The following SPACA1 variants were observed in gnomAD, a reference collection of about 807,000 sequenced individuals.
SPACA1 encodes sperm acrosome associated 1.
A neutral mutation model predicts 32.6 loss-of-function variants in SPACA1; 17 were observed. The observed-to-expected ratio is 0.52, with a 90% CI of 0.36 to 0.78. The LOEUF is 0.78. Ranked by LOEUF, SPACA1 falls within the 30% of genes least tolerant of loss-of-function variation. SPACA1 has a pLI of 0.01. For synonymous variants in SPACA1, 140 were observed against 138.1 expected, an observed-to-expected ratio of 1.01 and a Z score of -0.10; for missense variants, 363 against 373.4, an observed-to-expected ratio of 0.97 and a Z score of 0.23.
chr6:88,061,432 GCA>G (rs71554769), intron 5 of SPACA1, among the ~76,000 whole-genome samples: 35,218 of 149,952 alleles, frequency 0.23, 4,545 homozygotes, highest in Middle Eastern at 0.32. Context: ...ATGCTTGTGC[GCA>G]CACACACACA....
At position 88,058,719 on chromosome 6, in the gene SPACA1, G is replaced by A; in HGVS notation, c.371G>A (p.Gly124Asp). The A allele has an allele frequency of 6.2e-7, 1 of 1,610,584 alleles. No individual in the cohort carries two copies. Among genetic ancestry groups the A allele is most frequent in the Non-Finnish European group, 8.5e-7 (1 of 1,178,180 alleles). ...ECRGPTDCGW[G>D]KPISESLESV... ...TATGTGCTTAATTTTTTTTCAGGGG[G>A]TAAACCAATTTCAGAAAGTCTTGAA... Residue 124 changes from glycine to aspartate, a missense_variant, in exon 4 of 7, where the codon GGT (glycine) becomes GAT (aspartate). Physicochemically the swap from Gly to Asp is moderately conservative, Grantham distance 94. Transcript: ENST00000237201.
At position 88,066,764 on chromosome 6, in the gene SPACA1, T is replaced by C. The variant is rs1274494501; in HGVS notation, c.*429T>C. On this transcript the variant is annotated 3_prime_UTR_variant, in exon 7 of 7. Coordinates refer to ENST00000237201, the MANE Select transcript of SPACA1 (RefSeq NM_030960.3). ...CATACTTTAGAATCTCTTCAGGGAATGTGACATACAAAGTTTGTAAGACAT... is the reference window on the plus strand; with the variant it reads ...CATACTTTAGAATCTCTTCAGGGAACGTGACATACAAAGTTTGTAAGACAT... 1 of 152,702 alleles carries C rather than the reference T, an allele frequency of 6.5e-6. No homozygotes were observed. Among genetic ancestry groups the C allele is most frequent in the African/African-American group, 2.4e-5 (1 of 41,452 alleles). 9.5% of individuals were successfully genotyped at this position (152,702 alleles called of 1,614,324 possible). A position where few individuals can be genotyped will look rare whatever the true frequency, so the allele number is the denominator to read the frequency against.
chr6:88,053,807 G>A lies in SPACA1; in HGVS notation c.209-139G>A, dbSNP rs1775765066. 1.1e-5 allele frequency: 7 copies of A among 628,748 alleles called. No homozygotes were observed. The South Asian group carries it at 1.2e-4, about 11-fold the overall frequency. The allele number at this position is 628,748 out of a possible 1,614,324, so 38.9% of individuals were successfully genotyped here. The stretch of plus-strand genomic sequence containing the variant: ...CAATAACAGTACTCAGAATGGCATT[G>A]TTTTCTGATTTAAATGGAAAACTTA... On this transcript the variant is annotated intron_variant, in intron 1 of 6. Transcript: ENST00000237201.
upstream of SPACA1, chr6:88,047,829 G>A (rs1456366298): frequency 2.2e-6 from 3 of 1,374,700 alleles, no homozygotes; most frequent in African/African-American, 2.9e-5. Flanking sequence ...GCGGGGTGTC[G>A]CAGCTCTCTT....
chr6:88,048,586 C>T (rs1222094878), intron 1 of SPACA1, among the ~76,000 whole-genome samples: 1 of 152,134 alleles, frequency 6.6e-6, no homozygotes, highest in Non-Finnish European at 1.5e-5. Flanking sequence ...GACAAAACTG[C>T]CCAGAAGCCC....
chr6:88,056,066 C>T (rs994284016), intron 2 of SPACA1, among the ~76,000 whole-genome samples: 5 of 152,090 alleles, frequency 3.3e-5, no homozygotes, highest in East Asian at 3.9e-4. Context: ...CTTCTAAAGA[C>T]GCTTTCAGGT....
At chr6:88,063,077 T>C (rs1312422904) in intron 5 of SPACA1, among the ~76,000 whole-genome samples, 1 of 152,190 alleles carries the variant, frequency 6.6e-6, no homozygotes, top group African/African-American at 2.4e-5. Flanking sequence ...GGATAATGAA[T>C]AGGCAAGCCA....
chr6:88,060,590 G>C (rs936974463), intron 5 of SPACA1, among the ~76,000 whole-genome samples: 1 of 152,176 alleles, frequency 6.6e-6, no homozygotes, highest in Non-Finnish European at 1.5e-5. Context: ...GCTGTTTAAT[G>C]AGTTTAGAAA....
intron 2 of SPACA1, among the ~76,000 whole-genome samples, chr6:88,056,664 C>G (rs1404865317): frequency 6.6e-6 from 1 of 152,170 alleles, no homozygotes; most frequent in Non-Finnish European, 1.5e-5. Context: ...ATCAACTTCC[C>G]TTTGCCCTCT....
chr6:88,058,825 G>T lies in SPACA1; in HGVS notation c.474+3G>T. On this transcript the variant is annotated splice_donor_region_variant and intron_variant, in intron 4 of 6. Coordinates refer to ENST00000237201, the MANE Select transcript of SPACA1 (RefSeq NM_030960.3). ...GGAAACTTCTAAGACAAGACCAAGT[G>T]AGTAATGAATGGATATAACCTGGTG... 1 of 1,591,656 alleles carries T rather than the reference G, an allele frequency of 6.3e-7. No individual in the cohort carries two copies. Among genetic ancestry groups the T allele is most frequent in the South Asian group, 1.1e-5 (1 of 90,292 alleles).
upstream of SPACA1, among the ~76,000 whole-genome samples, chr6:88,047,028 C>T (rs1398225151): frequency 6.6e-6 from 1 of 152,092 alleles, no homozygotes; most frequent in Non-Finnish European, 1.5e-5. Context: ...TCAAAAACAA[C>T]AACAAACAAC....
chr6:88,047,357 C>A (rs530170636), upstream of SPACA1, among the ~76,000 whole-genome samples: 1 of 152,140 alleles, frequency 6.6e-6, no homozygotes, highest in East Asian at 1.9e-4. Context: ...TATTCTGATC[C>A]CAAAGAAGAA....
At chr6:88,058,221 A>G (rs1045089323) in intron 3 of SPACA1, among the ~76,000 whole-genome samples, 17 of 152,222 alleles carry the variant, frequency 1.1e-4, no homozygotes, top group African/African-American at 4.1e-4. Flanking sequence ...GCAGAGAGCC[A>G]TGGTGTCTCC....
intron 1 of SPACA1, among the ~76,000 whole-genome samples, chr6:88,050,456 CTT>C (rs1373247276): frequency 6.6e-6 from 1 of 152,190 alleles, no homozygotes; most frequent in African/African-American, 2.4e-5. Flanking sequence ...TTATCTGTCT[CTT>C]TTCATCTTCT....
chr6:88,056,014 T>C (rs1377137080), intron 2 of SPACA1, among the ~76,000 whole-genome samples: 1 of 151,938 alleles, frequency 6.6e-6, no homozygotes, highest in Admixed American at 6.6e-5. Context: ...GTTTTAAAAA[T>C]ATTAACAATA....
At position 88,048,091 on chromosome 6, in the gene SPACA1, C is replaced by T. The variant is rs765418925; in HGVS notation, c.186C>T (p.Tyr62=). 1.2e-5 allele frequency: 19 copies of T among 1,596,690 alleles called. No homozygotes were observed. The Admixed American group carries it at 1.6e-4, about 13-fold the overall frequency. Residue 62 remains tyrosine (Y), a synonymous_variant, in exon 1 of 7, where the codon TAC becomes TAT. Transcript: ENST00000237201. ...ENNDSETAEN[Y]APPETEDVSN... is the part of the protein sequence containing the mutation. ...ACGACAGCGAGACCGCGGAGAACTA[C>T]GCTCCGCCTGAAACCGAGGATGGTG...
In SPACA1 at chr6:88,048,015, A is replaced by G. The variant is rs1381256663; in HGVS notation, c.110A>G (p.Gln37Arg). The G allele has an allele frequency of 1.3e-6, 2 of 1,594,266 alleles. No homozygotes were observed. The highest frequency in any genetic ancestry group is 1.8e-5 in the Admixed American group (1 of 55,982). Residue 37 changes from glutamine (Q) to arginine (R), a missense_variant, in exon 1 of 7, where the codon CAG becomes CGG. Transcript: ENST00000237201. ...GGGACCAACGTCACCGCTGCCGTCC[A>G]GGATGCCGGCCTGGCCCACGAAGGC... ...ARGTNVTAAV[Q>R]DAGLAHEGEG...
intron 1 of SPACA1, among the ~76,000 whole-genome samples, chr6:88,049,555 T>TCC (rs1183716457): frequency 6.6e-6 from 1 of 152,204 alleles, no homozygotes; most frequent in Non-Finnish European, 1.5e-5. Flanking sequence ...ATTTGCACTG[T>TCC]CCCCTTAACC....
upstream of SPACA1, chr6:88,047,785 G>A (rs1041179233): frequency 2.4e-5 from 24 of 1,006,748 alleles, no homozygotes; most frequent in Middle Eastern, 9.9e-4. Flanking sequence ...AGGCGTCACG[G>A]TTCGTCACGG....
Sources: gnomAD v4.1 joint callset for allele counts (sites outside exome capture counted in the v4.1 genomes callset) on GRCh38, gnomAD v4.1.1 for gene constraint, MANE v1.5 for transcripts, NCBI Gene and HGNC (gene_info 2026-07-23, HGNC 2026-07-21) for gene names.